Variants in BUB1 observed in about 807,000 individuals in gnomAD.
The protein encoded by BUB1 is mitotic checkpoint serine/threonine-protein kinase BUB1.
A neutral mutation model predicts 135.2 loss-of-function variants in BUB1; 84 were observed. The observed-to-expected ratio is 0.62, with a 90% CI of 0.52 to 0.74. The LOEUF (loss-of-function observed/expected upper bound fraction) is 0.74, where lower values mean the gene tolerates loss of function less well. Among genes scored for constraint, BUB1 ranks in the 30% least tolerant of loss-of-function variants. The pLI is 0.00. For missense variants in BUB1, 1,162 were observed against 1,288.3 expected (o/e 0.90, Z 1.50); for synonymous variants, 403 against 434.4 (o/e 0.93, Z 0.90).
chr2:110,665,571 T>G (rs200752360), intron 9 of BUB1, among the ~76,000 whole-genome samples: 10 of 141,144 alleles, frequency 7.1e-5, no homozygotes, highest in East Asian at 4.1e-4. Context: ...AAAAGAATGT[T>G]TGTGTGTGTG....
At chr2:110,662,329 G>T (rs1167639272) in intron 9 of BUB1, among the ~76,000 whole-genome samples, 1 of 152,028 alleles carries the variant, frequency 6.6e-6, no homozygotes, top group Non-Finnish European at 1.5e-5. Flanking sequence ...AATATAAATT[G>T]CAATAATAAC....
intron 3 of BUB1, among the ~76,000 whole-genome samples, chr2:110,673,144 A>T (rs1690468939): frequency 2.0e-5 from 3 of 152,208 alleles, no homozygotes; most frequent in African/African-American, 7.2e-5. Flanking sequence ...AGCTTAGACA[A>T]GCTTCTGGAG....
intron 9 of BUB1, among the ~76,000 whole-genome samples, chr2:110,665,206 G>A (rs527839837): frequency 3.3e-5 from 5 of 152,226 alleles, no homozygotes; most frequent in South Asian, 4.2e-4. Flanking sequence ...TATGTAGAAC[G>A]TTCTATTGTA....
In BUB1 at chr2:110,650,452, A is replaced by T. The variant is rs1206975331; in HGVS notation, c.2203+94T>A. Reference sequence around the variant, plus strand: ...TCACTGACATCTGTTCTACTCAGTGACATTCAAGTCCCACTGTGGGTTTCT... The same window carrying T: ...TCACTGACATCTGTTCTACTCAGTGTCATTCAAGTCCCACTGTGGGTTTCT... On this transcript the variant is annotated intron_variant, in intron 18 of 24. Transcript: ENST00000302759. 4 of 1,150,974 alleles carry T rather than the reference A, an allele frequency of 3.5e-6. No individual in the cohort carries two copies. In the Admixed American group the frequency reaches 5.5e-5, roughly 16 times the overall value. 71.3% of individuals were successfully genotyped at this position (1,150,974 alleles called of 1,614,324 possible).
intron 18 of BUB1, 37 bp downstream of exon 18, chr2:110,650,509 C>A (rs751962820): frequency 1.9e-6 from 3 of 1,592,240 alleles, no homozygotes; most frequent in Non-Finnish European, 2.6e-6. Flanking sequence ...TGCTCCTGTC[C>A]TGATTCAAGG....
chr2:110,647,280 G>A (rs1252518598), intron 19 of BUB1, among the ~76,000 whole-genome samples: 2 of 151,828 alleles, frequency 1.3e-5, no homozygotes, highest in South Asian at 2.1e-4. Flanking sequence ...TCATGAACAC[G>A]GATACAAACA....
chr2:110,674,534 G>A (rs185644066), intron 1 of BUB1, among the ~76,000 whole-genome samples, 169 bp from the exon 2 acceptor site: 44 of 152,032 alleles, frequency 2.9e-4, no homozygotes, highest in Non-Finnish European at 5.0e-4. Context: ...CTTAAATATC[G>A]ATCCAAATAG....
intron 18 of BUB1, among the ~76,000 whole-genome samples, chr2:110,650,324 C>T (rs1689751448): frequency 1.3e-5 from 2 of 152,132 alleles, no homozygotes; most frequent in South Asian, 4.1e-4. Flanking sequence ...ATTCCCTCTT[C>T]CAACAGTAGT....
rs1559174422 is a variant in BUB1 at position 110,669,452 on chromosome 2, C to G, written c.567+1G>C. Reference sequence around the variant, plus strand: ...ACACAAGCTACAAATGTCATTATTACCTGATTCTTAGAAATGCAGGCCATG... The same window carrying G: ...ACACAAGCTACAAATGTCATTATTAGCTGATTCTTAGAAATGCAGGCCATG... On this transcript the variant is annotated splice_donor_variant, in intron 6 of 24. Transcript: ENST00000302759. LOFTEE classifies it high-confidence loss of function. 5 of 1,578,752 alleles carry G rather than the reference C, an allele frequency of 3.2e-6. No homozygotes were observed. The highest frequency in any genetic ancestry group is 4.4e-6 in the Non-Finnish European group (5 of 1,147,900).
Position 110,638,041 on chromosome 2 carries a change from G to C in BUB1, c.3181C>G (p.His1061Asp), listed in dbSNP as rs757380682. The change falls in exon 25 of 25, where the codon CAC becomes GAC. Residue 1061 changes from histidine (H) to aspartate (D), a missense_variant. Coordinates refer to ENST00000302759, the MANE Select transcript of BUB1 (RefSeq NM_004336.5). ...RQKLKKVFQQ[H>D]YTNKIRALRN... The stretch of plus-strand genomic sequence containing the variant: ...AGGGCCCTAATCTTGTTAGTATAGT[G>C]TTGTTGAAATACTTTCTTCAGCTTT... 1 of 1,612,672 alleles carries C rather than the reference G, an allele frequency of 6.2e-7. No individual in the cohort carries two copies. Among genetic ancestry groups the C allele is most frequent in the East Asian group, 2.2e-5 (1 of 44,826 alleles).
intron 4 of BUB1, among the ~76,000 whole-genome samples, chr2:110,672,030 C>G (rs948271757): frequency 1.3e-5 from 2 of 152,164 alleles, no homozygotes; most frequent in Non-Finnish European, 2.9e-5. Flanking sequence ...GGTTCAAGAC[C>G]AGTCTGGCCA....
chr2:110,658,681 C>T lies in BUB1; in HGVS notation c.1338G>A (p.Leu446=), dbSNP rs1239789877. 2 of 1,614,184 alleles carry T rather than the reference C, an allele frequency of 1.2e-6. No individual in the cohort carries two copies. Among genetic ancestry groups the T allele is most frequent in the Non-Finnish European group, 1.7e-6 (2 of 1,180,026 alleles). ...TGGATGGCGTTGCCTGAACCATTCC[C>T]AGTGATGTGTTTGGAGTTGTGTGAA... The part of the protein sequence containing the change: ...SSFHTTPNTS[L]GMVQATPSKV... Residue 446 remains leucine, a synonymous_variant, in exon 12 of 25, where the codon CTG becomes CTA. Transcript: ENST00000302759.
rs1689999134 is a variant in BUB1 at position 110,658,691 on chromosome 2, T to G, written c.1328A>C (p.Asn443Thr). 1.9e-6 allele frequency: 3 copies of G among 1,614,094 alleles called. No homozygotes were observed. The highest frequency in any genetic ancestry group is 2.7e-5 in the African/African-American group (2 of 74,932). ...ANTSSFHTTP[N>T]TSLGMVQATP... ...TGCCTGAACCATTCCCAGTGATGTGTTTGGAGTTGTGTGAAAAGAACTTGT... is the reference window on the plus strand; with the variant it reads ...TGCCTGAACCATTCCCAGTGATGTGGTTGGAGTTGTGTGAAAAGAACTTGT... The change falls in exon 12 of 25, where the codon AAC becomes ACC. Residue 443 changes from asparagine (N) to threonine (T), a missense_variant. Transcript: ENST00000302759.
intron 3 of BUB1, among the ~76,000 whole-genome samples, chr2:110,673,343 C>T (rs565539922): frequency 1.3e-5 from 2 of 152,314 alleles, no homozygotes; most frequent in African/African-American, 2.4e-5. Context: ...CTCATGCAAA[C>T]TGATCGAACT....
chr2:110,664,472 T>C (rs779009731), intron 9 of BUB1, among the ~76,000 whole-genome samples: 1 of 152,140 alleles, frequency 6.6e-6, no homozygotes, highest in Non-Finnish European at 1.5e-5. Context: ...TCCTAGAACA[T>C]TGTGCCCAAC....
Position 110,672,812 on chromosome 2 carries a change from T to A in BUB1, c.271A>T (p.Asn91Tyr), listed in dbSNP as rs1690457981. ...DLHQFFEFLYNHGIGTLSSPL... is the reference protein window; with the variant it reads ...DLHQFFEFLYYHGIGTLSSPL... ...GATGACAGGGTTCCAATCCCATGGT[T>A]GTACAGAAACTCAAAAAATTGATGG... The change falls in exon 4 of 25, where the codon AAC becomes TAC. Residue 91 changes from asparagine to tyrosine, a missense_variant. Asn to Tyr is a moderately radical substitution (Grantham distance 143). Coordinates refer to ENST00000302759, the MANE Select transcript of BUB1 (RefSeq NM_004336.5). 6.2e-7 allele frequency: 1 copy of A among 1,610,334 alleles called. No individual in the cohort carries two copies. Among genetic ancestry groups the A allele is most frequent in the Admixed American group, 1.7e-5 (1 of 58,708 alleles).
rs1194211318 is a variant in BUB1 at position 110,641,081 on chromosome 2, C to G, written c.2908G>C (p.Gly970Arg). 2 of 1,609,934 alleles carry G rather than the reference C, an allele frequency of 1.2e-6. No individual in the cohort carries two copies. Among genetic ancestry groups the G allele is most frequent in the Admixed American group, 1.7e-5 (1 of 59,172 alleles). ...CTGAGCATCTCAACACACTGAAAAC[C>G]AGATGTTTCACACTTTGCTGTGAAT... Reference protein sequence around the residue: ...TIFTAKCETSGFQCVEMLSNK... With the variant: ...TIFTAKCETSRFQCVEMLSNK... The change falls in exon 23 of 25, where the codon GGT becomes CGT. Residue 970 changes from glycine (G) to arginine (R), a missense_variant. Gly to Arg is a moderately radical substitution (Grantham distance 125). Coordinates refer to ENST00000302759, the MANE Select transcript of BUB1 (RefSeq NM_004336.5).
chr2:110,646,168 A>C lies in BUB1; in HGVS notation c.2347+3066T>G, dbSNP rs963777686. 1.2e-4 allele frequency among the ~76,000 whole-genome samples: 12 copies of C among 100,854 alleles called. No homozygotes were observed. In the East Asian group the frequency reaches 1.3e-3, roughly 11 times the overall value. The allele number at this position is 100,854 out of a possible 152,430, so 66.2% of individuals were successfully genotyped here. A position where few individuals can be genotyped will look rare whatever the true frequency, so the allele number is the denominator to read the frequency against. On this transcript the variant is annotated intron_variant, in intron 19 of 24. Coordinates refer to ENST00000302759, the MANE Select transcript of BUB1 (RefSeq NM_004336.5). ...CATAGCGAGAACCCTATCTCTACCCAAAAAAAAAAAAAAAAAAAAAAGCTG... is the reference window on the plus strand; with the variant it reads ...CATAGCGAGAACCCTATCTCTACCCCAAAAAAAAAAAAAAAAAAAAAGCTG...
intron 16 of BUB1, among the ~76,000 whole-genome samples, chr2:110,654,704 C>T (rs1444331569): frequency 6.6e-6 from 1 of 151,000 alleles, no homozygotes; most frequent in Non-Finnish European, 1.5e-5. Flanking sequence ...TTTCAACTGA[C>T]CTCTCCTTTA....
Sources: allele counts gnomAD v4.1 joint callset (sites outside exome capture counted in the v4.1 genomes callset), GRCh38; gene constraint gnomAD v4.1.1; transcripts MANE v1.5; gene names NCBI Gene and HGNC (gene_info 2026-07-23, HGNC 2026-07-21).